PCM1: variants seen among roughly 807,000 people sequenced by gnomAD.
The protein encoded by PCM1 is pericentriolar material 1.
Under a neutral mutation model 241.9 loss-of-function variants are expected in PCM1, and 157 were observed. That is an observed-to-expected ratio of 0.65 (90% CI 0.57 to 0.74). The LOEUF is 0.74. Among genes scored for constraint, PCM1 ranks in the 30% least tolerant of loss-of-function variants. PCM1 has a pLI of 0.00. For synonymous variants in PCM1, 1,085 were observed against 784.9 expected (o/e 1.38, Z -6.39); for missense variants, 3,478 against 2,360.1 (o/e 1.47, Z -9.81).
chr8:17,935,037 G>A (rs796916402), intron 2 of PCM1, among the ~76,000 whole-genome samples: 9 of 151,972 alleles, frequency 5.9e-5, no homozygotes, highest in African/African-American at 2.2e-4. Context: ...ACTTTTGGAT[G>A]TTTTGGCCCT....
rs781270882 is a variant in PCM1 at position 17,993,456 on chromosome 8, C to T, written c.4691-27C>T. The stretch of plus-strand genomic sequence containing the variant: ...TGTATATATAATAGGCTTTGTTAGG[C>T]TAATGTATTTTCTTTTTAAAAATTA... On this transcript the variant is annotated intron_variant, in intron 28 of 38. Transcript: ENST00000325083. The T allele has an allele frequency of 1.3e-5, 20 of 1,501,894 alleles. No homozygotes were observed. The African/African-American group carries it at 2.4e-4, about 18-fold the overall frequency. The allele number at this position is 1,501,894 out of a possible 1,614,324, so 93.0% of individuals were successfully genotyped here. A position where few individuals can be genotyped will look rare whatever the true frequency, so the allele number is the denominator to read the frequency against.
At chr8:17,951,565 T>C (rs563377476) in intron 8 of PCM1, among the ~76,000 whole-genome samples, 11 of 152,310 alleles carry the variant, frequency 7.2e-5, no homozygotes, top group African/African-American at 2.6e-4. Flanking sequence ...TGAAATTCTT[T>C]ATAGCAGTTA....
chr8:17,972,603 A>G lies in PCM1; in HGVS notation c.3859A>G (p.Ser1287Gly). The G allele has an allele frequency of 6.3e-7, 1 of 1,595,292 alleles. No individual in the cohort carries two copies. Among genetic ancestry groups the G allele is most frequent in the Non-Finnish European group, 8.5e-7 (1 of 1,174,160 alleles). ...GACAAGAAAAGCGTCTGCACAGGCC[A>G]GCCTGGCATCTAAAGATAAAACTCC... ...FKTRKASAQA[S>G]LASKDKTPKS... The change falls in exon 23 of 39, where the codon AGC becomes GGC. Residue 1287 changes from serine to glycine, a missense_variant. Coordinates refer to ENST00000325083, the MANE Select transcript of PCM1 (RefSeq NM_006197.4).
chr8:18,019,140 C>T (rs2093555623), intron 36 of PCM1, among the ~76,000 whole-genome samples: 1 of 151,978 alleles, frequency 6.6e-6, no homozygotes, highest in African/African-American at 2.4e-5. Context: ...CAGCAATATA[C>T]TTGGACTGTA....
At chr8:18,005,166 A>G (rs576206111) in intron 29 of PCM1, among the ~76,000 whole-genome samples, 2 of 152,110 alleles carry the variant, frequency 1.3e-5, no homozygotes, top group Non-Finnish European at 2.9e-5. Flanking sequence ...GTGCTTTTTA[A>G]AAATATTTAT....
At chr8:17,936,982 A>G (rs2060613623) in intron 3 of PCM1, among the ~76,000 whole-genome samples, 152 bp from the exon 4 acceptor site, 1 of 152,198 alleles carries the variant, frequency 6.6e-6, no homozygotes, top group Non-Finnish European at 1.5e-5. Context: ...AAATGGGTTA[A>G]TAGAAGTAAA....
intron 2 of PCM1, among the ~76,000 whole-genome samples, chr8:17,932,539 T>C (rs940923708): frequency 6.6e-6 from 1 of 152,072 alleles, no homozygotes; most frequent in Non-Finnish European, 1.5e-5. Flanking sequence ...TGCAAACTAC[T>C]TGTTTTGCTT....
rs185641272 is a variant in PCM1, at chr8:17,946,599, C to T, written c.784-587C>T. Among the ~76,000 whole-genome samples, 25 of 151,998 alleles carry T rather than the reference C, an allele frequency of 1.6e-4. No individual in the cohort carries two copies. In the East Asian group the frequency reaches 3.7e-3, roughly 22 times the overall value. On this transcript the variant is annotated intron_variant, in intron 6 of 38. Coordinates refer to ENST00000325083, the MANE Select transcript of PCM1 (RefSeq NM_006197.4). The stretch of plus-strand genomic sequence containing the variant: ...GCAATCTCTACCTCCTGAGTTCAAG[C>T]GATTCTCTTGCCTCAGCCTCCTGAG...
At chr8:17,967,431 C>G (rs937224787) in intron 21 of PCM1, among the ~76,000 whole-genome samples, 5 of 151,968 alleles carry the variant, frequency 3.3e-5, no homozygotes, top group Admixed American at 3.3e-4. Flanking sequence ...GCCTCAGCTT[C>G]CTAAGTAGCT....
intron 36 of PCM1, among the ~76,000 whole-genome samples, chr8:18,024,696 G>A (rs2094032153): frequency 6.6e-6 from 1 of 152,184 alleles, no homozygotes; most frequent in Non-Finnish European, 1.5e-5. Flanking sequence ...GGGCTGTGAA[G>A]ATTAATCTGC....
chr8:17,944,861 T>C (rs2299593), intron 6 of PCM1, among the ~76,000 whole-genome samples: 33,622 of 152,088 alleles, frequency 0.22, 4,362 homozygotes, highest in East Asian at 0.4. Flanking sequence ...ATTTTTAGAT[T>C]AGTGAGAAAT....
chr8:18,012,508 C>G (rs1439110650), intron 34 of PCM1, among the ~76,000 whole-genome samples: 6 of 152,074 alleles, frequency 3.9e-5, no homozygotes, highest in Admixed American at 3.3e-4. Context: ...TTGGTGCTAT[C>G]CACAGTTTTG....
intron 2 of PCM1, among the ~76,000 whole-genome samples, chr8:17,928,717 T>C (rs398806): frequency 0.79 from 117,559 of 149,340 alleles, 46,722 homozygotes; most frequent in African/African-American, 0.87. Flanking sequence ...CTGTAACCTC[T>C]GCCTCCCGGG....
At position 17,953,041 on chromosome 8, in the gene PCM1, G is replaced by C; in HGVS notation, c.1143G>C (p.Arg381Ser). Residue 381 changes from arginine (R) to serine (S), a missense_variant, in exon 9 of 39, where the codon AGG becomes AGC. By Grantham distance (110) the Arg-to-Ser change is moderately radical. Transcript: ENST00000325083. ...TAACTAGGGAGGTTTCCCAGAGCAG[G>C]AAACCATCAGCTTCAGAACGTTTAC... ...LSLTREVSQSRKPSASERLPD... is the reference protein window; with the variant it reads ...LSLTREVSQSSKPSASERLPD... 1 of 1,608,274 alleles carries C rather than the reference G, an allele frequency of 6.2e-7. No homozygotes were observed. The highest frequency in any genetic ancestry group is 8.5e-7 in the Non-Finnish European group (1 of 1,177,012).
chr8:18,010,780 A>T, intron 32 of PCM1, 112 bp downstream of exon 32: 1 of 683,336 alleles, frequency 1.5e-6, no homozygotes, highest in Admixed American at 3.0e-5. Context: ...CAAGATTTCC[A>T]GACCAGCCTG....
Position 17,969,710 on chromosome 8 carries a change from T to G in PCM1, c.3546T>G (p.Pro1182=). 1.2e-6 allele frequency: 2 copies of G among 1,611,506 alleles called. No homozygotes were observed. Among genetic ancestry groups the G allele is most frequent in the Non-Finnish European group, 1.7e-6 (2 of 1,179,014 alleles). The change falls in exon 22 of 39, where the codon CCT becomes CCG. Residue 1182 remains proline (P), a synonymous_variant. Coordinates refer to ENST00000325083, the MANE Select transcript of PCM1 (RefSeq NM_006197.4). ...GKTEYMAFPK[P]FESSSSIGAE... is the part of the protein sequence containing the mutation. ...CAGAATATATGGCTTTTCCAAAACC[T>G]TTTGAAAGCAGTTCCTCTATTGGAG...
intron 29 of PCM1, among the ~76,000 whole-genome samples, chr8:18,001,889 T>G (rs2089562817): frequency 6.6e-6 from 1 of 151,908 alleles, no homozygotes; most frequent in Admixed American, 6.6e-5. Context: ...CAGCTGATCG[T>G]GTCCAGATTA....
At chr8:17,955,279 A>G (rs2067750496) in intron 9 of PCM1, among the ~76,000 whole-genome samples, 191 bp from the exon 10 acceptor site, 1 of 152,204 alleles carries the variant, frequency 6.6e-6, no homozygotes. Flanking sequence ...AGAAAGAGGT[A>G]AACAAGTCTT....
At chr8:17,947,702 C>T (rs1326993549) in intron 7 of PCM1, among the ~76,000 whole-genome samples, 1 of 152,076 alleles carries the variant, frequency 6.6e-6, no homozygotes, top group African/African-American at 2.4e-5. Context: ...TTTTATTCAG[C>T]TAGGATTGTC....
Sources: allele counts gnomAD v4.1 joint callset (sites outside exome capture counted in the v4.1 genomes callset), GRCh38; gene constraint gnomAD v4.1.1; transcripts MANE v1.5; gene names NCBI Gene and HGNC (gene_info 2026-07-23, HGNC 2026-07-21).